FGGY: variants seen among roughly 807,000 people sequenced by gnomAD.
FGGY encodes FGGY carbohydrate kinase domain-containing protein.
A neutral mutation model predicts 71.3 loss-of-function variants in FGGY; 72 were observed. That is an observed-to-expected ratio of 1.01 (90% CI 0.84 to 1.23). The LOEUF (loss-of-function observed/expected upper bound fraction) is 1.23. Among genes scored for constraint, FGGY ranks in the 50% most tolerant of loss-of-function variants. The probability of loss-of-function intolerance (pLI) is 0.00; values close to 1 mark genes in which losing one functional copy is unlikely to be tolerated. For missense variants in FGGY, 668 were observed against 682.3 expected (o/e 0.98, Z 0.23); for synonymous variants, 251 against 250.3 (o/e 1.00, Z -0.02).
At chr1:59,645,644 T>G (rs910593934) in intron 11 of FGGY, among the ~76,000 whole-genome samples, 6 of 152,236 alleles carry the variant, frequency 3.9e-5, no homozygotes, top group African/African-American at 1.4e-4. Context: ...GTCTGGTATA[T>G]ATGAGCAGTT....
At chr1:59,616,694 G>T (rs1239141913) in intron 9 of FGGY, among the ~76,000 whole-genome samples, 1 of 151,928 alleles carries the variant, frequency 6.6e-6, no homozygotes, top group Non-Finnish European at 1.5e-5. Flanking sequence ...AGCTTACTGA[G>T]TATTTTTTTG....
intron 6 of FGGY, among the ~76,000 whole-genome samples, chr1:59,479,865 G>T (rs548878721): frequency 6.6e-6 from 1 of 152,260 alleles, no homozygotes; most frequent in Non-Finnish European, 1.5e-5. Flanking sequence ...TAAGCACACA[G>T]GAAAGGGTTG....
At chr1:59,299,457 C>T (rs958080009) in intron 1 of FGGY, among the ~76,000 whole-genome samples, 4 of 152,034 alleles carry the variant, frequency 2.6e-5, no homozygotes, top group Non-Finnish European at 5.9e-5. Context: ...ATTGGATTGG[C>T]GAAGCCCGGA....
chr1:59,557,422 G>A (rs1044632312), intron 8 of FGGY, among the ~76,000 whole-genome samples: 5 of 152,194 alleles, frequency 3.3e-5, no homozygotes, highest in African/African-American at 7.2e-5. Flanking sequence ...ATGAATGAAC[G>A]AATGACCACA....
At chr1:59,710,597 A>C (rs2097786855) in intron 14 of FGGY, among the ~76,000 whole-genome samples, 1 of 152,256 alleles carries the variant, frequency 6.6e-6, no homozygotes, top group Non-Finnish European at 1.5e-5. Context: ...AAACAAATTT[A>C]CAAGAAAAAA....
chr1:59,341,362 A>C (rs1266820862), intron 3 of FGGY, among the ~76,000 whole-genome samples: 1 of 152,188 alleles, frequency 6.6e-6, no homozygotes, highest in Non-Finnish European at 1.5e-5. Flanking sequence ...TGATTATTAT[A>C]ATTATAAGGA....
At chr1:59,533,078 A>G (rs2153667038) in intron 7 of FGGY, among the ~76,000 whole-genome samples, 1 of 152,312 alleles carries the variant, frequency 6.6e-6, no homozygotes, top group Middle Eastern at 3.4e-3. Flanking sequence ...TGATTTCTGC[A>G]TTTCCGTCTG....
chr1:59,350,322 G>A (rs1364378639), intron 4 of FGGY, among the ~76,000 whole-genome samples: 2 of 152,150 alleles, frequency 1.3e-5, no homozygotes, highest in African/African-American at 4.8e-5. Context: ...AAGGAATGGG[G>A]TGGATGCAGG....
chr1:59,339,349 G>T (rs1057216494), intron 2 of FGGY, among the ~76,000 whole-genome samples: 1 of 151,922 alleles, frequency 6.6e-6, no homozygotes, highest in Non-Finnish European at 1.5e-5. Flanking sequence ...ATATCTTTTT[G>T]TTTGTACTTA....
chr1:59,682,070 T>C (rs1464015483), intron 14 of FGGY, among the ~76,000 whole-genome samples: 1 of 152,194 alleles, frequency 6.6e-6, no homozygotes, highest in Admixed American at 6.6e-5. Context: ...TTTGAACATT[T>C]TAAAAAGTTA....
intron 5 of FGGY, among the ~76,000 whole-genome samples, chr1:59,410,787 C>T (rs1291039388): frequency 6.6e-6 from 1 of 152,012 alleles, no homozygotes; most frequent in Non-Finnish European, 1.5e-5. Context: ...ATTTTAATAT[C>T]TTCTCATTAA....
At chr1:59,555,737 C>T (rs973772782) in intron 8 of FGGY, among the ~76,000 whole-genome samples, 5 of 152,254 alleles carry the variant, frequency 3.3e-5, no homozygotes, top group South Asian at 2.1e-4. Flanking sequence ...CAGTGGCTCA[C>T]GCCTGTAATC....
At chr1:59,661,374 C>T (rs781043149) in intron 12 of FGGY, among the ~76,000 whole-genome samples, 2 of 152,144 alleles carry the variant, frequency 1.3e-5, no homozygotes, top group Non-Finnish European at 2.9e-5. Context: ...TTTAATGCAA[C>T]TACATAGAAG....
chr1:59,665,194 A>G (rs1478823379), intron 12 of FGGY, among the ~76,000 whole-genome samples: 3 of 152,138 alleles, frequency 2.0e-5, no homozygotes, highest in Admixed American at 1.3e-4. Context: ...TGGGGAGGTC[A>G]GTAGGTTTTG....
intron 5 of FGGY, among the ~76,000 whole-genome samples, chr1:59,390,166 C>A (rs556367062): frequency 6.6e-6 from 1 of 152,208 alleles, no homozygotes; most frequent in East Asian, 1.9e-4. Flanking sequence ...ATTAGATATT[C>A]TTTACCCTTA....
At chr1:59,745,888 T>C (rs2098192675) in intron 14 of FGGY, among the ~76,000 whole-genome samples, 1 of 152,114 alleles carries the variant, frequency 6.6e-6, no homozygotes, top group South Asian at 2.1e-4. Context: ...CATGAGAGAA[T>C]TGGACTGAAG....
At chr1:59,407,848 C>T (rs1223285732) in intron 5 of FGGY, among the ~76,000 whole-genome samples, 2 of 152,126 alleles carry the variant, frequency 1.3e-5, no homozygotes, top group African/African-American at 2.4e-5. Context: ...TTTGAAGAAC[C>T]GCTGTACCAA....
At position 59,722,365 on chromosome 1, in the gene FGGY, A is replaced by G. The variant is rs774305538; in HGVS notation, c.1513-35566A>G. On this transcript the variant is annotated intron_variant, in intron 14 of 15. Transcript: ENST00000303721. ...ATTACTCTTTCTCCTTCCTTTTTAC[A>G]CTGTACTCTTTGGAAAGAAGTCACT... is the stretch of plus-strand genomic sequence containing the variant. Among the ~76,000 whole-genome samples, 20 of 152,180 alleles carry G rather than the reference A, an allele frequency of 1.3e-4. 1 individual carries two copies. The South Asian group carries it at 2.3e-3, about 17-fold the overall frequency.
chr1:59,692,819 G>T (rs969987617), intron 14 of FGGY, among the ~76,000 whole-genome samples: 1 of 152,160 alleles, frequency 6.6e-6, no homozygotes, highest in African/African-American at 2.4e-5. Flanking sequence ...TGAATGCCAA[G>T]CTGATGCTGT....
Sources: gnomAD v4.1 joint callset for allele counts (sites outside exome capture counted in the v4.1 genomes callset) on GRCh38, gnomAD v4.1.1 for gene constraint, MANE v1.5 for transcripts, NCBI Gene and HGNC (gene_info 2026-07-23, HGNC 2026-07-21) for gene names.